CKAP2L: variants seen among roughly 807,000 people sequenced by gnomAD.
CKAP2L encodes cytoskeleton-associated protein 2-like.
A neutral mutation model predicts 65.7 loss-of-function variants in CKAP2L; 42 were observed. That is an observed-to-expected ratio of 0.64 (90% CI 0.50 to 0.83). The LOEUF (loss-of-function observed/expected upper bound fraction) is 0.83. CKAP2L is among the 40% of genes least tolerant of loss of function. The pLI is 0.00. For synonymous variants in CKAP2L, 325 were observed against 313.5 expected (o/e 1.04, Z -0.39); for missense variants, 908 against 871.0 (o/e 1.04, Z -0.53).
At chr2:112,742,336 C>G in intron 7 of CKAP2L, 2 of 713,806 alleles carry the variant, frequency 2.8e-6, no homozygotes, top group South Asian at 3.0e-5. Context: ...AAGCGTAACA[C>G]AAATTTAGAT....
intron 6 of CKAP2L, among the ~76,000 whole-genome samples, chr2:112,743,562 C>T (rs934097530): frequency 7.9e-5 from 12 of 152,078 alleles, no homozygotes; most frequent in South Asian, 2.1e-4. Context: ...CTCAGCCTCC[C>T]GAAGAGCTGG....
intron 7 of CKAP2L, among the ~76,000 whole-genome samples, chr2:112,741,940 G>GTTTT (rs57634251): frequency 2.8e-5 from 2 of 71,900 alleles, no homozygotes; most frequent in African/African-American, 5.6e-5. Flanking sequence ...TTTCTTTTCT[G>GTTTT]TTTTTTTTTT....
At chr2:112,750,215 A>C (rs1179091577) in intron 5 of CKAP2L, among the ~76,000 whole-genome samples, 1 of 152,136 alleles carries the variant, frequency 6.6e-6, no homozygotes, top group East Asian at 1.9e-4. Flanking sequence ...TCCTACAGTT[A>C]TCACATTACC....
intron 5 of CKAP2L, among the ~76,000 whole-genome samples, chr2:112,750,967 C>A (rs1032277045): frequency 6.6e-6 from 1 of 151,806 alleles, no homozygotes; most frequent in Non-Finnish European, 1.5e-5. Context: ...GCAATAAAAC[C>A]TGAGATCTTT....
chr2:112,755,128 G>T (rs1680490612), intron 4 of CKAP2L, among the ~76,000 whole-genome samples: 1 of 152,152 alleles, frequency 6.6e-6, no homozygotes, highest in Admixed American at 6.5e-5. Context: ...TCACTCGTCA[G>T]AAATTTCCTT....
In CKAP2L at chr2:112,740,816, A is replaced by G; in HGVS notation, c.2012+2T>C. On this transcript the variant is annotated splice_donor_variant, in intron 8 of 8. Coordinates refer to ENST00000302450, the MANE Select transcript of CKAP2L (RefSeq NM_152515.5). LOFTEE classifies it high-confidence loss of function. ...ACAAAGTCTGCTTTAGAGTTTGCTTACCTAGGGATTGGACCAATCTGTAAT... is the reference window on the plus strand; with the variant it reads ...ACAAAGTCTGCTTTAGAGTTTGCTTGCCTAGGGATTGGACCAATCTGTAAT... 6.2e-7 allele frequency: 1 copy of G among 1,601,262 alleles called. No individual in the cohort carries two copies. Among genetic ancestry groups the G allele is most frequent in the Non-Finnish European group, 8.5e-7 (1 of 1,170,624 alleles).
At chr2:112,742,396 C>T in intron 7 of CKAP2L, 1 of 717,488 alleles carries the variant, frequency 1.4e-6, no homozygotes, top group Non-Finnish European at 2.6e-6. Context: ...TAAGGCATTT[C>T]TCCTTTCTGC....
intron 5 of CKAP2L, among the ~76,000 whole-genome samples, chr2:112,749,904 T>G (rs945683144): frequency 1.3e-5 from 2 of 152,174 alleles, no homozygotes; most frequent in Non-Finnish European, 2.9e-5. Flanking sequence ...TTCTTCCTAT[T>G]TGCTTTCATC....
intron 7 of CKAP2L, chr2:112,742,474 C>A (rs1415219929): frequency 2.8e-6 from 2 of 717,886 alleles, no homozygotes; most frequent in African/African-American, 1.7e-5. Context: ...TGGGACACTC[C>A]AGTCTAGGCT....
chr2:112,737,423 TGTGAG>T lies in CKAP2L; in HGVS notation c.*1395_*1399del, dbSNP rs1277898571. 2.6e-5 allele frequency: 4 copies of T among 152,260 alleles called. No homozygotes were observed. Among genetic ancestry groups the T allele is most frequent in the African/African-American group, 9.6e-5 (4 of 41,464 alleles). The allele number at this position is 152,260 out of a possible 1,614,324, so 9.4% of individuals were successfully genotyped here. A position where few individuals can be genotyped will look rare whatever the true frequency, so the allele number is the denominator to read the frequency against. On this transcript the variant is annotated 3_prime_UTR_variant, in exon 9 of 9. Transcript: ENST00000302450. ...TCTTGTTAATAGCCATTCTTATAGA[TGTGAG>T]GTGATAGCTCACAGTGGTTTTAATT...
rs1373064086 is a variant in CKAP2L, at chr2:112,739,067, T to C, written c.2013-19A>G. 1.9e-6 allele frequency: 3 copies of C among 1,571,164 alleles called. No individual in the cohort carries two copies. In the African/African-American group the frequency reaches 4.1e-5, roughly 21 times the overall value. ...ATTTATTCTGAGAGACAGCAAGAGA[T>C]GCATTAAAAACCTTATCATTTAAAA... On this transcript the variant is annotated intron_variant, in intron 8 of 8. Coordinates refer to ENST00000302450, the MANE Select transcript of CKAP2L (RefSeq NM_152515.5).
rs1207063047 is a variant in CKAP2L, at chr2:112,756,290, A to G, written c.1081T>C (p.Cys361Arg). 1 of 1,614,058 alleles carries G rather than the reference A, an allele frequency of 6.2e-7. No homozygotes were observed. Among genetic ancestry groups the G allele is most frequent in the Non-Finnish European group, 8.5e-7 (1 of 1,179,980 alleles). ...IKQDQKSSQV[C>R]IPQTSCVLQK... The stretch of plus-strand genomic sequence containing the variant: ...AGTACACATGATGTCTGAGGTATAC[A>G]AACTTGGCTGGACTTCTGATCTTGC... Residue 361 changes from cysteine (C) to arginine (R), a missense_variant, in exon 4 of 9, where the codon TGT becomes CGT. Coordinates refer to ENST00000302450, the MANE Select transcript of CKAP2L (RefSeq NM_152515.5).
intron 8 of CKAP2L, among the ~76,000 whole-genome samples, chr2:112,739,992 T>G (rs187796783): frequency 1.8e-4 from 27 of 152,284 alleles, no homozygotes; most frequent in African/African-American, 6.5e-4. Flanking sequence ...TTCACTCTTG[T>G]TGCCCAGGCT....
chr2:112,739,095 A>G, intron 8 of CKAP2L, 47 bp from the exon 9 acceptor site: 1 of 1,371,204 alleles, frequency 7.3e-7, no homozygotes, highest in South Asian at 1.3e-5. Context: ...ATTTAAAAAA[A>G]TTATCTTTAT....
intron 6 of CKAP2L, among the ~76,000 whole-genome samples, chr2:112,743,998 A>C (rs1322134629): frequency 6.6e-6 from 1 of 152,242 alleles, no homozygotes; most frequent in Non-Finnish European, 1.5e-5. Context: ...ACTGACAATA[A>C]AGCATAAAAG....
chr2:112,741,086 C>A, intron 7 of CKAP2L, 79 bp from the exon 8 acceptor site: 1 of 901,014 alleles, frequency 1.1e-6, no homozygotes, highest in Non-Finnish European at 1.8e-6. Flanking sequence ...ATGAAAAATA[C>A]ATACATACAA....
At position 112,762,576 on chromosome 2, in the gene CKAP2L, C is replaced by T. The variant is rs757634876; in HGVS notation, c.38-7G>A. On this transcript the variant is annotated splice_polypyrimidine_tract_variant and splice_region_variant and intron_variant, in intron 1 of 8. Transcript: ENST00000302450. ...AGCTTTCTCTGCCGCTCTTCTGCAA[C>T]ACAGGCAAGCAAACAAACGACATAA... 1.9e-5 allele frequency: 30 copies of T among 1,611,376 alleles called. No homozygotes were observed. Among genetic ancestry groups the T allele is most frequent in the South Asian group, 1.5e-4 (14 of 91,026 alleles).
chr2:112,740,531 G>T (rs1231104431), intron 8 of CKAP2L, among the ~76,000 whole-genome samples: 2 of 152,172 alleles, frequency 1.3e-5, no homozygotes, highest in South Asian at 2.1e-4. Flanking sequence ...TACAGAGTTT[G>T]CTCCCGCTTG....
chr2:112,746,403 C>T lies in CKAP2L; in HGVS notation c.1758+17G>A. Reference sequence around the variant, plus strand: ...AAGAGAATTTTAAGAAGTTACCCACCCAAGACAGATACTCACTGTTGCCCC... The same window carrying T: ...AAGAGAATTTTAAGAAGTTACCCACTCAAGACAGATACTCACTGTTGCCCC... On this transcript the variant is annotated intron_variant, in intron 6 of 8. Coordinates refer to ENST00000302450, the MANE Select transcript of CKAP2L (RefSeq NM_152515.5). 6.3e-7 allele frequency: 1 copy of T among 1,596,676 alleles called. No homozygotes were observed. Among genetic ancestry groups the T allele is most frequent in the Non-Finnish European group, 8.6e-7 (1 of 1,168,090 alleles).
Sources: gnomAD v4.1 joint callset for allele counts (sites outside exome capture counted in the v4.1 genomes callset) on GRCh38, gnomAD v4.1.1 for gene constraint, MANE v1.5 for transcripts, NCBI Gene and HGNC (gene_info 2026-07-23, HGNC 2026-07-21) for gene names.